The following PRDM16 variants were observed in gnomAD, a reference collection of about 807,000 sequenced individuals.
PRDM16 encodes the protein PR/SET domain 16.
PRDM16 carries 23 observed loss-of-function variants against 110.6 expected under a neutral mutation model. That is an observed-to-expected ratio of 0.21 (90% CI 0.15 to 0.29). The LOEUF is 0.29. Ranked by LOEUF, PRDM16 falls within the 10% of genes least tolerant of loss-of-function variation. PRDM16 has a pLI of 1.00. For missense variants in PRDM16, 1,615 were observed against 1,794.3 expected, an observed-to-expected ratio of 0.90 and a Z score of 1.81; for synonymous variants, 799 against 781.8, an observed-to-expected ratio of 1.02 and a Z score of -0.37.
chr1:3,267,783 G>A (rs145933757), intron 3 of PRDM16, among the ~76,000 whole-genome samples: 7 of 152,282 alleles, frequency 4.6e-5, no homozygotes, highest in East Asian at 1.9e-4. Flanking sequence ...ATCCCGCGCC[G>A]CTGCGGGTCC....
rs760050275 is a variant in PRDM16 at position 3,418,780 on chromosome 1, C to T, written c.2939+36C>T. On this transcript the variant is annotated intron_variant, in intron 12 of 16. Coordinates refer to ENST00000270722, the MANE Select transcript of PRDM16 (RefSeq NM_022114.4). ...CGTGGGCTGGGTGTGGGGGCGGGGC[C>T]GCCTGCCTCCGTGCACCGCTGACCC... The T allele has an allele frequency of 9.3e-6, 14 of 1,510,602 alleles. 1 individual carries two copies. Among genetic ancestry groups the T allele is most frequent in the South Asian group, 2.2e-5 (2 of 89,068 alleles). The allele number at this position is 1,510,602 out of a possible 1,614,324, so 93.6% of individuals were successfully genotyped here.
intron 1 of PRDM16, among the ~76,000 whole-genome samples, chr1:3,090,620 C>T (rs1258942580): frequency 6.6e-6 from 1 of 152,260 alleles, no homozygotes; most frequent in Non-Finnish European, 1.5e-5. Flanking sequence ...GGCTTCTCAC[C>T]TGACTCTGTC....
chr1:3,128,191 G>T (rs572930412), intron 1 of PRDM16, among the ~76,000 whole-genome samples: 1 of 152,302 alleles, frequency 6.6e-6, no homozygotes, highest in East Asian at 1.9e-4. Flanking sequence ...CCCATGCCCT[G>T]TGATGACAGA....
chr1:3,104,589 C>G (rs1195869993), intron 1 of PRDM16, among the ~76,000 whole-genome samples: 2 of 114,422 alleles, frequency 1.7e-5, no homozygotes, highest in African/African-American at 7.9e-5. Context: ...CTGGCTGGCC[C>G]CGCCTACACA....
At position 3,435,365 on chromosome 1, in the gene PRDM16, G is replaced by A. The variant is rs1638876969; in HGVS notation, c.*1554G>A. 2 of 230,658 alleles carry A rather than the reference G, an allele frequency of 8.7e-6. No individual in the cohort carries two copies. Among genetic ancestry groups the A allele is most frequent in the South Asian group, 1.8e-4 (1 of 5,498 alleles). 14.3% of individuals were successfully genotyped at this position (230,658 alleles called of 1,614,324 possible). ...AGGACCAAAACCGTGTGATAAGGTT[G>A]TGTGTCGTGTGGGAGTGGGGCGATT... On this transcript the variant is annotated 3_prime_UTR_variant, in exon 17 of 17. Transcript: ENST00000270722.
At chr1:3,082,382 C>T (rs927808083) in intron 1 of PRDM16, among the ~76,000 whole-genome samples, 3 of 152,192 alleles carry the variant, frequency 2.0e-5, no homozygotes, top group Non-Finnish European at 4.4e-5. Context: ...TGCAACTGGA[C>T]TCAGCTGTGG....
chr1:3,283,339 G>GC (rs1329556516), intron 3 of PRDM16, among the ~76,000 whole-genome samples: 2 of 152,128 alleles, frequency 1.3e-5, no homozygotes, highest in Non-Finnish European at 2.9e-5. Context: ...GGACACAGCT[G>GC]CCCCCCAACC....
chr1:3,257,518 A>G (rs1569939694), intron 3 of PRDM16, among the ~76,000 whole-genome samples: 1 of 152,226 alleles, frequency 6.6e-6, no homozygotes, highest in Admixed American at 6.5e-5. Flanking sequence ...TAAAAGTCAC[A>G]TGTTTATTTA....
At chr1:3,174,357 C>A (rs1176552267) in intron 1 of PRDM16, among the ~76,000 whole-genome samples, 1 of 152,160 alleles carries the variant, frequency 6.6e-6, no homozygotes, top group Non-Finnish European at 1.5e-5. Flanking sequence ...CATTCTGAGG[C>A]CTGGGGGTTA....
chr1:3,329,607 A>G (rs55929121), intron 3 of PRDM16, among the ~76,000 whole-genome samples: 23,422 of 152,296 alleles, frequency 0.15, 4,274 homozygotes, highest in African/African-American at 0.44. Flanking sequence ...CTATGGGCTC[A>G]CAAGGAGCTG....
chr1:3,427,470 C>T (rs1638642959), intron 14 of PRDM16, among the ~76,000 whole-genome samples: 1 of 152,146 alleles, frequency 6.6e-6, no homozygotes, highest in African/African-American at 2.4e-5. Flanking sequence ...GCTCACTCCC[C>T]ACCACCTCCA....
At chr1:3,193,435 T>C (rs1182393544) in intron 2 of PRDM16, among the ~76,000 whole-genome samples, 2 of 152,124 alleles carry the variant, frequency 1.3e-5, no homozygotes, top group Non-Finnish European at 2.9e-5. Context: ...AACCCAGAAG[T>C]GTTTGACATA....
Position 3,358,050 on chromosome 1 carries a change from G to T in PRDM16, c.439-27102G>T, listed in dbSNP as rs1642642209. Among the ~76,000 whole-genome samples the T allele has an allele frequency of 1.3e-5, 2 of 152,258 alleles. No homozygotes were observed. The highest frequency in any genetic ancestry group is 4.8e-5 in the African/African-American group (2 of 41,470). ...GCTGAGTCTGCCTTGACCACTGAAGGAGGCTGCCCTGGCTAACGGCGGTGC... is the reference window on the plus strand; with the variant it reads ...GCTGAGTCTGCCTTGACCACTGAAGTAGGCTGCCCTGGCTAACGGCGGTGC... On this transcript the variant is annotated intron_variant, in intron 3 of 16. Transcript: ENST00000270722. This position sits in a 1 kb window ranked among gnomAD's most constrained non-coding sequence, Gnocchi z 4.0.
intron 3 of PRDM16, among the ~76,000 whole-genome samples, chr1:3,328,583 C>T (rs1328767997): frequency 1.3e-5 from 2 of 152,154 alleles, no homozygotes; most frequent in Non-Finnish European, 2.9e-5. Context: ...TGGGCTGCTG[C>T]AGTGGATGCG....
intron 3 of PRDM16, among the ~76,000 whole-genome samples, chr1:3,325,713 G>T (rs12047663): frequency 6.6e-6 from 1 of 152,180 alleles, no homozygotes; most frequent in South Asian, 2.1e-4. Context: ...AGCCTCTCCA[G>T]GTCTGGTGTT....
rs116309823 is a variant in PRDM16, at chr1:3,414,069, G to C, written c.2604-491G>C. Among the ~76,000 whole-genome samples, 690 of 152,316 alleles carry C rather than the reference G, an allele frequency of 4.5e-3. 5 individuals carry two copies. The highest frequency in any genetic ancestry group is 0.016 in the African/African-American group (662 of 41,574). ...GGGGCCGGGTCAGAGAAGGAGCGGAGGAGGCCTTGAGCCTCTGGTGTGAGC... is the reference window on the plus strand; with the variant it reads ...GGGGCCGGGTCAGAGAAGGAGCGGACGAGGCCTTGAGCCTCTGGTGTGAGC... On this transcript the variant is annotated intron_variant, in intron 9 of 16. Coordinates refer to ENST00000270722, the MANE Select transcript of PRDM16 (RefSeq NM_022114.4).
At chr1:3,200,589 G>A (rs1158337607) in intron 2 of PRDM16, among the ~76,000 whole-genome samples, 1 of 152,212 alleles carries the variant, frequency 6.6e-6, no homozygotes, top group East Asian at 1.9e-4. Context: ...TGATCTGCCC[G>A]CCTCGGCCTC....
chr1:3,150,541 G>A, intron 1 of PRDM16, among the ~76,000 whole-genome samples: 1 of 152,180 alleles, frequency 6.6e-6, no homozygotes. Context: ...CTGGGTGACA[G>A]AGCGAGACTC....
intron 3 of PRDM16, among the ~76,000 whole-genome samples, chr1:3,269,092 G>A (rs1380627555): frequency 2.6e-5 from 4 of 150,988 alleles, no homozygotes; most frequent in African/African-American, 9.9e-5. Context: ...AAGACAGGTG[G>A]GTGGGCTTTG....
Sources: allele counts gnomAD v4.1 joint callset (sites outside exome capture counted in the v4.1 genomes callset), GRCh38; gene constraint gnomAD v4.1.1; non-coding constraint Gnocchi (gnomAD v3.1); transcripts MANE v1.5; gene names NCBI Gene and HGNC (gene_info 2026-07-23, HGNC 2026-07-21).